GPATCH3: variants seen among roughly 807,000 people sequenced by gnomAD.
The protein encoded by GPATCH3 is G-patch domain containing 3.
Under a neutral mutation model 53.2 loss-of-function variants are expected in GPATCH3, and 45 were observed. The observed-to-expected ratio is 0.85, with a 90% CI of 0.67 to 1.08. The LOEUF is 1.08. GPATCH3 is among the 50% of genes least tolerant of loss of function. The pLI is 0.00. For synonymous variants in GPATCH3, 280 were observed against 270.6 expected (o/e 1.03, Z -0.34); for missense variants, 680 against 687.2 (o/e 0.99, Z 0.12).
At chr1:26,895,546 AAAGG>A (rs1318833334) in intron 2 of GPATCH3, among the ~76,000 whole-genome samples, 7 of 146,616 alleles carry the variant, frequency 4.8e-5, no homozygotes, top group East Asian at 2.0e-4. Context: ...AAAAAAAAGG[AAAGG>A]AAGGAAGGAA....
rs2081932963 is a variant in GPATCH3, at chr1:26,892,603, G to A, written c.1234-65C>T. ...TGCTGGGAGCAGGGAGAATGGGGAT[G>A]GGAGAAGGAATTAAAGTAGAGAAGG... On this transcript the variant is annotated intron_variant, in intron 5 of 6. Coordinates refer to ENST00000361720, the MANE Select transcript of GPATCH3 (RefSeq NM_022078.3). 5.6e-6 allele frequency: 9 copies of A among 1,606,994 alleles called. 1 individual carries two copies. In the South Asian group the frequency reaches 9.9e-5, roughly 18 times the overall value.
At chr1:26,898,714 T>C (rs971033663) in intron 1 of GPATCH3, among the ~76,000 whole-genome samples, 1 of 151,632 alleles carries the variant, frequency 6.6e-6, no homozygotes, top group Non-Finnish European at 1.5e-5. Context: ...TCACCCAGGC[T>C]GGAGTACAGT....
At chr1:26,893,293 G>A (rs1233146934) in intron 4 of GPATCH3, 96 bp downstream of exon 4, 20 of 982,826 alleles carry the variant, frequency 2.0e-5, no homozygotes, top group South Asian at 1.4e-4. Flanking sequence ...GAACGGGAAC[G>A]GTACCCTGTC....
chr1:26,897,862 C>A (rs2081958271), intron 1 of GPATCH3, 137 bp from the exon 2 acceptor site: 1 of 711,496 alleles, frequency 1.4e-6, no homozygotes, highest in Admixed American at 2.9e-5. Context: ...TCTAGGCCGA[C>A]ACAGTGGCTC....
chr1:26,896,914 T>C (rs1426752591), intron 2 of GPATCH3, among the ~76,000 whole-genome samples: 41 of 147,826 alleles, frequency 2.8e-4, no homozygotes, highest in Non-Finnish European at 6.1e-4. Context: ...CCCAGCTACT[T>C]GGGAGGCTGA....
In GPATCH3 at chr1:26,894,382, C is replaced by G; in HGVS notation, c.905G>C (p.Arg302Pro). The stretch of plus-strand genomic sequence containing the variant: ...CACGTCCTCATGCAGCGCTTCATGC[C>G]GTTCCCATTCCTCACCCCGGTCATC... Reference protein sequence around the residue: ...EDDDRGEEWERHEALHEDVTG... With the variant: ...EDDDRGEEWEPHEALHEDVTG... Residue 302 changes from arginine to proline, a missense_variant, in exon 3 of 7, where the codon CGG (arginine) becomes CCG (proline). Coordinates refer to ENST00000361720, the MANE Select transcript of GPATCH3 (RefSeq NM_022078.3). 2 of 1,614,074 alleles carry G rather than the reference C, an allele frequency of 1.2e-6. No individual in the cohort carries two copies. The highest frequency in any genetic ancestry group is 1.7e-6 in the Non-Finnish European group (2 of 1,180,008).
intron 4 of GPATCH3, 133 bp from the exon 5 acceptor site, chr1:26,892,924 G>C (rs1018565538): frequency 5.3e-6 from 6 of 1,132,558 alleles, no homozygotes; most frequent in African/African-American, 1.6e-5. Flanking sequence ...TAGACTGGGA[G>C]CTCCCCAAAA....
intron 2 of GPATCH3, 40 bp from the exon 3 acceptor site, chr1:26,894,450 C>T (rs1380421117): frequency 3.1e-6 from 5 of 1,598,208 alleles, no homozygotes; most frequent in Admixed American, 1.7e-5. Context: ...AGCTTCCTGA[C>T]CTCATGCCCC....
chr1:26,890,872 G>A lies in GPATCH3; in HGVS notation c.*138C>T, dbSNP rs778852420. ...ATGCCCCTGAGGTATAGAACCGGCAGGCAGGCAGGCTCGGAACAAAACACC... is the reference window on the plus strand; with the variant it reads ...ATGCCCCTGAGGTATAGAACCGGCAAGCAGGCAGGCTCGGAACAAAACACC... On this transcript the variant is annotated 3_prime_UTR_variant, in exon 7 of 7. Transcript: ENST00000361720. 1 of 866,958 alleles carries A rather than the reference G, an allele frequency of 1.2e-6. No individual in the cohort carries two copies. Among genetic ancestry groups the A allele is most frequent in the South Asian group, 1.3e-5 (1 of 75,406 alleles). 53.7% of individuals were successfully genotyped at this position (866,958 alleles called of 1,614,324 possible). A position where few individuals can be genotyped will look rare whatever the true frequency, so the allele number is the denominator to read the frequency against.
rs201077104 is a variant in GPATCH3, at chr1:26,897,485, C to T, written c.692G>A (p.Arg231His). The T allele has an allele frequency of 4.3e-6, 7 of 1,614,104 alleles. No homozygotes were observed. Among genetic ancestry groups the T allele is most frequent in the East Asian group, 4.5e-5 (2 of 44,896 alleles). Residue 231 changes from arginine (R) to histidine (H), a missense_variant, in exon 2 of 7, where the codon CGC (arginine) becomes CAC (histidine). Physicochemically the swap from Arg to His is conservative, Grantham distance 29 (BLOSUM62 0). Coordinates refer to ENST00000361720, the MANE Select transcript of GPATCH3 (RefSeq NM_022078.3). ...LQFPKTGSSR[R>H]YGNVPFEYED... The stretch of plus-strand genomic sequence containing the variant: ...ATACTCAAAAGGCACATTGCCGTAG[C>T]GCCGGGAGGAACCTGTCTTGGGGAA...
chr1:26,898,366 CGT>C (rs1557661386), intron 1 of GPATCH3, among the ~76,000 whole-genome samples: 2 of 151,990 alleles, frequency 1.3e-5, no homozygotes, highest in African/African-American at 4.8e-5. Context: ...CCCAGACTGG[CGT>C]ATGCAGTGGT....
Position 26,900,410 on chromosome 1 carries a change from C to A in GPATCH3, c.33G>T (p.Ala11=), listed in dbSNP as rs138814947. The change falls in exon 1 of 7, where the codon GCG becomes GCT. Residue 11 remains alanine (A), a synonymous_variant. Transcript: ENST00000361720. MAVPGEAEEE[A]TVYLVVSGIP... ...TACCGCTCACTACCAGGTAAACTGT[C>A]GCCTCCTCCTCCGCCTCGCCGGGCA... 2 of 1,611,492 alleles carry A rather than the reference C, an allele frequency of 1.2e-6. No homozygotes were observed. The highest frequency in any genetic ancestry group is 2.2e-5 in the East Asian group (1 of 44,822).
chr1:26,892,138 C>T (rs1371786045), intron 6 of GPATCH3, among the ~76,000 whole-genome samples: 1 of 152,052 alleles, frequency 6.6e-6, no homozygotes, highest in Non-Finnish European at 1.5e-5. Flanking sequence ...CTACCACGCC[C>T]GGACTTTTTA....
In GPATCH3 at chr1:26,900,077, C is replaced by G. The variant is rs2081968420; in HGVS notation, c.366G>C (p.Ser122=). 3 of 1,614,152 alleles carry G rather than the reference C, an allele frequency of 1.9e-6. No homozygotes were observed. The highest frequency in any genetic ancestry group is 2.5e-6 in the Non-Finnish European group (3 of 1,180,050). The change falls in exon 1 of 7, where the codon TCG becomes TCC. Residue 122 remains serine, a synonymous_variant. Transcript: ENST00000361720. ...CGTGAGAATCCAGCCACCGGCGGCC[C>G]GAGTACATGCGAATAAGCCTCTGAG... ...AQAQRLIRMY[S]GRRWLDSHGT... is the part of the protein sequence containing the mutation.
rs768779763 is a variant in GPATCH3, at chr1:26,900,155, TG to T, written c.287del (p.Pro96GlnfsTer13). The T allele has an allele frequency of 1.9e-6, 3 of 1,614,044 alleles. No homozygotes were observed. Among genetic ancestry groups the T allele is most frequent in the Non-Finnish European group, 2.5e-6 (3 of 1,180,004 alleles). On this transcript the variant is annotated frameshift_variant, in exon 1 of 7. Transcript: ENST00000361720. LOFTEE classifies it high-confidence loss of function. ...VRPLSTRDST[P>X]IQTRTCCCVI... ...CGCAGCAGCAGGTGCGGGTCTGGATTGGAGTAGAGTCTCGAGTGGAGAGAGG... is the reference window on the plus strand; with the variant it reads ...CGCAGCAGCAGGTGCGGGTCTGGATTGAGTAGAGTCTCGAGTGGAGAGAGG...
In GPATCH3 at chr1:26,890,984, G is replaced by T; in HGVS notation, c.*26C>A. On this transcript the variant is annotated 3_prime_UTR_variant, in exon 7 of 7. Coordinates refer to ENST00000361720, the MANE Select transcript of GPATCH3 (RefSeq NM_022078.3). ...CAGGGCAGAGGGTTTTCATCATGTA[G>T]CTATGAAAGGAAGCCCCCAACCCGG... The T allele has an allele frequency of 6.3e-7, 1 of 1,589,070 alleles. No individual in the cohort carries two copies. The highest frequency in any genetic ancestry group is 8.6e-7 in the Non-Finnish European group (1 of 1,157,552).
chr1:26,897,982 A>T (rs987665161), intron 1 of GPATCH3, among the ~76,000 whole-genome samples: 1 of 151,980 alleles, frequency 6.6e-6, no homozygotes, highest in African/African-American at 2.4e-5. Flanking sequence ...TACAAAATAT[A>T]AAAAAATTAG....
Position 26,894,390 on chromosome 1 carries a change from T to A in GPATCH3, c.897A>T (p.Glu299Asp), listed in dbSNP as rs771218807. The A allele has an allele frequency of 4.3e-6, 7 of 1,613,772 alleles. No homozygotes were observed. In the Admixed American group the frequency reaches 5.0e-5, roughly 12 times the overall value. ...CATGCAGCGCTTCATGCCGTTCCCA[T>A]TCCTCACCCCGGTCATCGTCCTAAA... ...HSDEDDDRGE[E>D]WERHEALHED... The change falls in exon 3 of 7, where the codon GAA becomes GAT. Residue 299 changes from glutamate (E) to aspartate (D), a missense_variant. Transcript: ENST00000361720.
intron 2 of GPATCH3, among the ~76,000 whole-genome samples, chr1:26,896,606 C>T (rs747100211): frequency 9.3e-5 from 14 of 150,220 alleles, no homozygotes; most frequent in Non-Finnish European, 2.1e-4. Context: ...GAGGCTGAGG[C>T]AGGAGAATCA....
Sources: allele counts gnomAD v4.1 joint callset (sites outside exome capture counted in the v4.1 genomes callset), GRCh38; gene constraint gnomAD v4.1.1; transcripts MANE v1.5; gene names NCBI Gene and HGNC (gene_info 2026-07-23, HGNC 2026-07-21).